Variants in RANBP2 observed in about 807,000 individuals in gnomAD.
The protein encoded by RANBP2 is RAN binding protein 2, also known as E3 SUMO-protein ligase RanBP2.
In RANBP2, 57 loss-of-function variants were observed where a neutral mutation model predicts 303.6. The observed-to-expected ratio is 0.19, with a 90% CI of 0.15 to 0.23. RANBP2 has a LOEUF of 0.23. Ranked by LOEUF, RANBP2 falls within the 10% of genes least tolerant of loss-of-function variation. The pLI is 1.00. For synonymous variants in RANBP2, 1,167 were observed against 1,301.5 expected (o/e 0.90, Z 2.23); for missense variants, 3,138 against 3,780.8 (o/e 0.83, Z 4.46).
the RANBP2 span, chr2:108,989,307 G>C: frequency 2.0e-5 from 3 of 152,642 alleles, no homozygotes; most frequent in African/African-American, 7.2e-5. Flanking sequence ...GGAGAGGCTG[G>C]AGCGGGCACG....
At chr2:109,553,255 G>A in the RANBP2 span, 1 of 1,609,750 alleles carries the variant, frequency 6.2e-7, no homozygotes, top group Non-Finnish European at 8.5e-7. Context: ...CTGCTAAAAA[G>A]TGATATAGGT....
chr2:109,395,446 A>AGGGATGCTG, the RANBP2 span, among the ~76,000 whole-genome samples: 2 of 152,134 alleles, frequency 1.3e-5, no homozygotes, highest in African/African-American at 2.4e-5. Flanking sequence ...TGGCTGCTGC[A>AGGGATGCTG]GGGATGCTGG....
chr2:109,169,353 G>A, the RANBP2 span, among the ~76,000 whole-genome samples: 69 of 142,758 alleles, frequency 4.8e-4, no homozygotes, highest in African/African-American at 1.8e-3. Context: ...AGCCCACCAA[G>A]TTTCAGGAAG....
chr2:109,561,926 C>A, the RANBP2 span, among the ~76,000 whole-genome samples: 1 of 152,144 alleles, frequency 6.6e-6, no homozygotes, highest in African/African-American at 2.4e-5. Flanking sequence ...GCAGGCAGAT[C>A]ACTTTGTATT....
At chr2:109,286,684 C>G in the RANBP2 span, among the ~76,000 whole-genome samples, 1 of 152,204 alleles carries the variant, frequency 6.6e-6, no homozygotes, top group African/African-American at 2.4e-5. Context: ...TGGCATAGCT[C>G]ATCTGCTAGC....
At chr2:109,506,730 A>C in the RANBP2 span, among the ~76,000 whole-genome samples, 1 of 152,238 alleles carries the variant, frequency 6.6e-6, no homozygotes, top group Non-Finnish European at 1.5e-5. Context: ...CAGAGCCAGG[A>C]CTTCTGACTT....
chr2:109,017,032 GC>G, the RANBP2 span, among the ~76,000 whole-genome samples: 1 of 152,252 alleles, frequency 6.6e-6, no homozygotes, highest in Admixed American at 6.5e-5. Flanking sequence ...CCCATGCAAA[GC>G]ATGGCACCAG....
the RANBP2 span, among the ~76,000 whole-genome samples, chr2:109,057,175 T>C: frequency 6.6e-6 from 1 of 152,200 alleles, no homozygotes; most frequent in Non-Finnish European, 1.5e-5. Context: ...AATGTCATTA[T>C]GCATAATAAG....
the RANBP2 span, among the ~76,000 whole-genome samples, chr2:108,798,845 A>G: frequency 6.6e-6 from 1 of 150,376 alleles, no homozygotes; most frequent in African/African-American, 2.5e-5. Flanking sequence ...ACACACACAC[A>G]CACACACATT....
At chr2:109,023,118 ATG>A in the RANBP2 span, among the ~76,000 whole-genome samples, 1 of 152,230 alleles carries the variant, frequency 6.6e-6, no homozygotes, top group Non-Finnish European at 1.5e-5. Context: ...CCTTGATAAT[ATG>A]TACAGAATGC....
the RANBP2 span, among the ~76,000 whole-genome samples, chr2:109,571,043 G>C: frequency 8.9e-4 from 136 of 152,196 alleles, no homozygotes; most frequent in Non-Finnish European, 1.8e-3. Context: ...TCTTGTGGTA[G>C]TGAGTTCTCA....
chr2:109,039,997 C>G, the RANBP2 span, among the ~76,000 whole-genome samples: 5 of 152,052 alleles, frequency 3.3e-5, no homozygotes, highest in Non-Finnish European at 7.4e-5. Flanking sequence ...GTCAGTCTTT[C>G]CTTAAGTTAG....
At chr2:109,385,174 C>A in the RANBP2 span, among the ~76,000 whole-genome samples, 1 of 152,230 alleles carries the variant, frequency 6.6e-6, no homozygotes, top group Non-Finnish European at 1.5e-5. Context: ...TCTGTCACTC[C>A]CTGTGCCTCA....
At chr2:109,492,950 C>T in the RANBP2 span, among the ~76,000 whole-genome samples, 2 of 152,038 alleles carry the variant, frequency 1.3e-5, no homozygotes, top group Non-Finnish European at 2.9e-5. Flanking sequence ...TTCCCCTCTA[C>T]AGGGCCCCAG....
chr2:108,756,772 T>G (rs1444799120), intron 17 of RANBP2, among the ~76,000 whole-genome samples: 6 of 152,226 alleles, frequency 3.9e-5, no homozygotes, highest in African/African-American at 7.2e-5. Flanking sequence ...GTTTGGCTTC[T>G]TATCTTTAAA....
At chr2:109,208,097 G>A in the RANBP2 span, among the ~76,000 whole-genome samples, 1 of 149,924 alleles carries the variant, frequency 6.7e-6, no homozygotes, top group African/African-American at 2.5e-5. Flanking sequence ...ACAGTGCTGG[G>A]CCCTCAGACA....
the RANBP2 span, among the ~76,000 whole-genome samples, chr2:108,821,928 C>CAAAA: frequency 7.6e-6 from 1 of 130,854 alleles, no homozygotes; most frequent in East Asian, 2.2e-4. Context: ...AACTTTGTCT[C>CAAAA]AAAAAAAAAA....
the RANBP2 span, among the ~76,000 whole-genome samples, chr2:109,489,435 G>A: frequency 6.6e-6 from 1 of 152,244 alleles, no homozygotes; most frequent in Non-Finnish European, 1.5e-5. Flanking sequence ...AGCGTGGCTT[G>A]GGCCTCACGG....
At chr2:109,369,015 G>A in the RANBP2 span, among the ~76,000 whole-genome samples, 48 of 152,176 alleles carry the variant, frequency 3.2e-4, no homozygotes, top group African/African-American at 8.9e-4. Flanking sequence ...CCAAGCCAGG[G>A]CCCCACTCTA....
Sources: gnomAD v4.1 joint callset for allele counts (sites outside exome capture counted in the v4.1 genomes callset) on GRCh38, gnomAD v4.1.1 for gene constraint, MANE v1.5 for transcripts, NCBI Gene and HGNC (gene_info 2026-07-23, HGNC 2026-07-21) for gene names.